PTPRD: variants seen among roughly 807,000 people sequenced by gnomAD.
The protein encoded by PTPRD is receptor-type tyrosine-protein phosphatase delta.
A neutral mutation model predicts 214.5 loss-of-function variants in PTPRD; 34 were observed. The observed-to-expected ratio is 0.16, with a 90% CI of 0.12 to 0.21. The LOEUF is 0.21. PTPRD is among the 10% of genes least tolerant of loss of function. The pLI is 1.00. For synonymous variants in PTPRD, 1,128 were observed against 845.7 expected, an observed-to-expected ratio of 1.33 and a Z score of -5.79; for missense variants, 2,545 against 2,398.7, an observed-to-expected ratio of 1.06 and a Z score of -1.27.
intron 11 of PTPRD, among the ~76,000 whole-genome samples, chr9:9,001,664 G>C (rs371150874): frequency 2.0e-5 from 3 of 151,916 alleles, no homozygotes; most frequent in African/African-American, 7.3e-5. Flanking sequence ...AGGTTTTTTG[G>C]ACTACCATTG....
intron 3 of PTPRD, among the ~76,000 whole-genome samples, chr9:10,187,701 T>A (rs1219084154): frequency 1.3e-5 from 2 of 151,848 alleles, no homozygotes; most frequent in Admixed American, 6.6e-5. Flanking sequence ...GCAACGGAGG[T>A]TTTCTGCTTT....
At chr9:10,195,098 A>ATTTTTTTTTTTTTTTTTTTTTTTT (rs34900305) in intron 3 of PTPRD, among the ~76,000 whole-genome samples, 2 of 97,912 alleles carry the variant, frequency 2.0e-5, no homozygotes, top group African/African-American at 4.0e-5. Flanking sequence ...ATACCCGGCT[A>ATTTTTTTTTTTTTTTTTTTTTTTT]TTTTTTTTTT....
chr9:8,721,427 TTCAAAAAAAA>T (rs1229215314), intron 12 of PTPRD, among the ~76,000 whole-genome samples: 1 of 133,962 alleles, frequency 7.5e-6, no homozygotes, highest in African/African-American at 3.1e-5. Context: ...GAGACTCCAT[TTCAAAAAAAA>T]AAAAAAAAGA....
chr9:9,153,908 C>T (rs920792886), intron 10 of PTPRD, among the ~76,000 whole-genome samples: 2 of 152,122 alleles, frequency 1.3e-5, no homozygotes, highest in Non-Finnish European at 2.9e-5. Context: ...ACTAGTGAGG[C>T]AGATGGTGTT....
At chr9:8,882,665 A>G (rs908840529) in intron 11 of PTPRD, among the ~76,000 whole-genome samples, 3 of 152,068 alleles carry the variant, frequency 2.0e-5, no homozygotes, top group Non-Finnish European at 2.9e-5. Flanking sequence ...TGGGTGGATC[A>G]TTTGAGTCCA....
intron 36 of PTPRD, among the ~76,000 whole-genome samples, chr9:8,394,017 G>C (rs2090391937): frequency 6.6e-6 from 1 of 152,024 alleles, no homozygotes; most frequent in South Asian, 2.1e-4. Flanking sequence ...TGTTTTTCAT[G>C]CACAACAAGC....
intron 11 of PTPRD, among the ~76,000 whole-genome samples, chr9:8,740,849 C>T (rs1045870146): frequency 1.8e-4 from 28 of 151,842 alleles, no homozygotes; most frequent in Admixed American, 1.6e-3. Context: ...ATATGAAGAC[C>T]CCAGGGGACT....
chr9:10,524,108 C>T (rs2134323478), intron 2 of PTPRD, among the ~76,000 whole-genome samples: 1 of 152,112 alleles, frequency 6.6e-6, no homozygotes, highest in South Asian at 2.1e-4. Context: ...CCCACACTCT[C>T]TCTTTCTTCC....
rs1472533 is a variant in PTPRD, at chr9:8,331,863, T to A, written c.5380-127A>T. 1.5e-3 allele frequency: 1,738 copies of A among 1,126,052 alleles called. 10 individuals carry two copies. The highest frequency in any genetic ancestry group is 1.3e-3 in the Non-Finnish European group (1,048 of 823,576). 69.8% of individuals were successfully genotyped at this position (1,126,052 alleles called of 1,614,324 possible). On this transcript the variant is annotated intron_variant, in intron 43 of 45. Coordinates refer to ENST00000381196, the MANE Select transcript of PTPRD (RefSeq NM_002839.4). ...AAAAGGGTAGAAAAAGTTAGGAACA[T>A]GTTTAAATAGAAACTTAGTTATGGT...
At position 9,989,037 on chromosome 9, in the gene PTPRD, A is replaced by AAAAC. The variant is rs1566950008; in HGVS notation, c.-472+44680_-472+44681insGTTT. Among the ~76,000 whole-genome samples, 17 of 121,360 alleles carry AAAAC rather than the reference A, an allele frequency of 1.4e-4. 1 individual carries two copies. Among genetic ancestry groups the AAAAC allele is most frequent in the Non-Finnish European group, 2.4e-4 (13 of 53,384 alleles). 79.6% of individuals were successfully genotyped at this position (121,360 alleles called of 152,430 possible). ...TGACCAAAAAAAAAAAAAAAAAAAA[A>AAAAC]AAAAAAAACCACAGACTTTACACAG... is the stretch of plus-strand genomic sequence containing the variant. On this transcript the variant is annotated intron_variant, in intron 4 of 45. Coordinates refer to ENST00000381196, the MANE Select transcript of PTPRD (RefSeq NM_002839.4).
At chr9:8,922,187 G>C (rs2098832436) in intron 11 of PTPRD, among the ~76,000 whole-genome samples, 1 of 152,016 alleles carries the variant, frequency 6.6e-6, no homozygotes, top group South Asian at 2.1e-4. Context: ...AAATTTTCTT[G>C]ACTTTGTTTT....
chr9:8,822,183 A>T (rs555415390), intron 11 of PTPRD, among the ~76,000 whole-genome samples: 2 of 152,092 alleles, frequency 1.3e-5, no homozygotes, highest in Admixed American at 1.3e-4. Flanking sequence ...TATGTTTCTT[A>T]CTCTGTACCA....
At chr9:10,579,852 T>A (rs1027007611) in intron 2 of PTPRD, among the ~76,000 whole-genome samples, 2 of 152,218 alleles carry the variant, frequency 1.3e-5, no homozygotes, top group Non-Finnish European at 2.9e-5. Context: ...TTTCTGGTGA[T>A]TGACAACATT....
At chr9:9,919,603 T>C (rs1256586033) in intron 5 of PTPRD, among the ~76,000 whole-genome samples, 1 of 152,158 alleles carries the variant, frequency 6.6e-6, no homozygotes, top group Non-Finnish European at 1.5e-5. Flanking sequence ...AGTTCCTGCC[T>C]GAATGCAGCA....
At chr9:9,207,510 T>C (rs1230921732) in intron 9 of PTPRD, among the ~76,000 whole-genome samples, 1 of 152,134 alleles carries the variant, frequency 6.6e-6, no homozygotes, top group Non-Finnish European at 1.5e-5. Context: ...GCTATTAGAC[T>C]GACAAAACTC....
intron 44 of PTPRD, among the ~76,000 whole-genome samples, chr9:8,323,747 T>C (rs10815820): frequency 0.098 from 14,909 of 152,156 alleles, 841 homozygotes; most frequent in African/African-American, 0.13. Context: ...AATATACTCA[T>C]GAAGATGCTG....
intron 11 of PTPRD, among the ~76,000 whole-genome samples, chr9:8,973,348 G>T (rs2099250121): frequency 1.3e-5 from 2 of 151,968 alleles, no homozygotes; most frequent in African/African-American, 4.8e-5. Flanking sequence ...AATTTGCTTA[G>T]GATAATGACC....
At chr9:10,486,896 T>C (rs745952506) in intron 2 of PTPRD, among the ~76,000 whole-genome samples, 3 of 152,202 alleles carry the variant, frequency 2.0e-5, no homozygotes, top group Non-Finnish European at 2.9e-5. Flanking sequence ...ATGTTGAATA[T>C]GTGGTGTTGA....
intron 2 of PTPRD, among the ~76,000 whole-genome samples, chr9:10,410,170 T>C (rs1387693698): frequency 6.7e-6 from 1 of 149,880 alleles, no homozygotes; most frequent in African/African-American, 2.4e-5. Flanking sequence ...CTCTGATAGT[T>C]CAAATAAACT....
Sources: allele counts gnomAD v4.1 joint callset (sites outside exome capture counted in the v4.1 genomes callset), GRCh38; gene constraint gnomAD v4.1.1; transcripts MANE v1.5; gene names NCBI Gene and HGNC (gene_info 2026-07-23, HGNC 2026-07-21).